CNTN5: variants seen among roughly 807,000 people sequenced by gnomAD.
The protein encoded by CNTN5 is contactin 5.
A neutral mutation model predicts 129.1 loss-of-function variants in CNTN5; 77 were observed. The ratio of observed to expected loss-of-function variants is 0.60; its 90% CI spans 0.50 to 0.72. The LOEUF is 0.72. CNTN5 is among the 30% of genes least tolerant of loss of function. The pLI, the probability that CNTN5 is intolerant of heterozygous loss-of-function variation, is 0.00. For synonymous variants in CNTN5, 509 were observed against 465.6 expected (o/e 1.09, Z -1.20); for missense variants, 1,478 against 1,328.8 (o/e 1.11, Z -1.75).
At chr11:99,864,629 A>C (rs368731905) in intron 6 of CNTN5, among the ~76,000 whole-genome samples, 1 of 152,046 alleles carries the variant, frequency 6.6e-6, no homozygotes, top group Non-Finnish European at 1.5e-5. Flanking sequence ...CTCGGCTCTG[A>C]TACCATTTTC....
intron 13 of CNTN5, among the ~76,000 whole-genome samples, chr11:100,149,364 G>C (rs1946968404): frequency 6.6e-6 from 1 of 152,060 alleles, no homozygotes. Context: ...TATTCAAATT[G>C]AATCAATATC....
chr11:100,196,466 C>T (rs1948641028), intron 15 of CNTN5, among the ~76,000 whole-genome samples: 1 of 151,924 alleles, frequency 6.6e-6, no homozygotes, highest in Non-Finnish European at 1.5e-5. Flanking sequence ...CCTTCATATA[C>T]AATCTATATA....
intron 2 of CNTN5, among the ~76,000 whole-genome samples, chr11:99,531,994 GAGA>G (rs1947727205): frequency 6.6e-6 from 1 of 152,100 alleles, no homozygotes; most frequent in Non-Finnish European, 1.5e-5. Flanking sequence ...GTGGAGCTCT[GAGA>G]AGAGGGCCAC....
intron 6 of CNTN5, among the ~76,000 whole-genome samples, chr11:99,898,375 G>A (rs1377579): frequency 0.99 from 149,891 of 152,164 alleles, 73,877 homozygotes; most frequent in East Asian, 1. Context: ...AATGATTAAG[G>A]TGACATCACA....
chr11:100,056,142 T>C (rs1943211710), intron 9 of CNTN5, among the ~76,000 whole-genome samples: 2 of 151,682 alleles, frequency 1.3e-5, no homozygotes, highest in African/African-American at 2.4e-5. Context: ...TTAATCTGAA[T>C]ATTTACTTTT....
intron 2 of CNTN5, among the ~76,000 whole-genome samples, chr11:99,404,460 G>A (rs566509397): frequency 1.2e-4 from 18 of 151,224 alleles, no homozygotes; most frequent in African/African-American, 4.4e-4. Context: ...TTTTAGTGAA[G>A]GTGATTTTCT....
chr11:99,055,975 CT>C (rs1288389246), intron 1 of CNTN5, among the ~76,000 whole-genome samples: 1 of 151,868 alleles, frequency 6.6e-6, no homozygotes, highest in Non-Finnish European at 1.5e-5. Flanking sequence ...CAGGTTTTCC[CT>C]TTTCAGTTTC....
chr11:99,774,840 A>C (rs1170564333), intron 3 of CNTN5, among the ~76,000 whole-genome samples: 2 of 152,092 alleles, frequency 1.3e-5, no homozygotes, highest in African/African-American at 2.4e-5. Context: ...TTTCTACTAC[A>C]TTAAAGCCAT....
At chr11:99,624,228 G>T (rs1951052944) in intron 3 of CNTN5, among the ~76,000 whole-genome samples, 3 of 150,660 alleles carry the variant, frequency 2.0e-5, no homozygotes, top group Non-Finnish European at 4.5e-5. Flanking sequence ...GCATTGCCTA[G>T]ATCAGTACCT....
intron 1 of CNTN5, among the ~76,000 whole-genome samples, chr11:99,047,976 C>A (rs1019161004): frequency 1.3e-5 from 2 of 151,460 alleles, no homozygotes; most frequent in Non-Finnish European, 2.9e-5. Flanking sequence ...AAAGTTAATT[C>A]TTTTTTCATT....
chr11:99,115,481 G>A (rs557133672), intron 1 of CNTN5, among the ~76,000 whole-genome samples: 11 of 152,218 alleles, frequency 7.2e-5, no homozygotes, highest in African/African-American at 1.7e-4. Context: ...AATACTGGCC[G>A]GGTGCGGTGG....
At chr11:99,090,243 A>AT (rs148864109) in intron 1 of CNTN5, among the ~76,000 whole-genome samples, 4,574 of 152,138 alleles carry the variant, frequency 0.03, 82 homozygotes, top group East Asian at 0.067. Context: ...TTTAATGCGA[A>AT]TTTTTTTCTT....
chr11:99,396,351 C>A (rs1347299174), intron 2 of CNTN5, among the ~76,000 whole-genome samples: 4 of 151,546 alleles, frequency 2.6e-5, no homozygotes, highest in African/African-American at 9.7e-5. Context: ...ACTTTTGTTT[C>A]TAAATAAAAT....
At chr11:99,878,996 G>A (rs1238701378) in intron 6 of CNTN5, among the ~76,000 whole-genome samples, 1 of 152,024 alleles carries the variant, frequency 6.6e-6, no homozygotes, top group Non-Finnish European at 1.5e-5. Context: ...ACAGTGGTAC[G>A]ATCTGATCTC....
intron 1 of CNTN5, among the ~76,000 whole-genome samples, chr11:99,253,168 T>C (rs1862201839): frequency 6.6e-6 from 1 of 152,066 alleles, no homozygotes; most frequent in African/African-American, 2.4e-5. Context: ...AGTGGATAAG[T>C]AGTGAATAAG....
intron 3 of CNTN5, among the ~76,000 whole-genome samples, chr11:99,646,093 T>C (rs1951949551): frequency 6.6e-6 from 1 of 152,190 alleles, no homozygotes; most frequent in Non-Finnish European, 1.5e-5. Flanking sequence ...TCTCTCAGCA[T>C]TGATTTTTGA....
rs1664132365 is a variant in CNTN5 at position 100,357,103 on chromosome 11, A to T, written c.*883A>T. 6.6e-6 allele frequency: 1 copy of T among 151,790 alleles called. No individual in the cohort carries two copies. Among genetic ancestry groups the T allele is most frequent in the African/African-American group, 2.4e-5 (1 of 41,406 alleles). The allele number at this position is 151,790 out of a possible 1,614,324, so 9.4% of individuals were successfully genotyped here. A position where few individuals can be genotyped will look rare whatever the true frequency, so the allele number is the denominator to read the frequency against. On this transcript the variant is annotated 3_prime_UTR_variant, in exon 25 of 25. Transcript: ENST00000524871. The stretch of plus-strand genomic sequence containing the variant: ...ATTTCTTTACCTACTGCCAAAACAG[A>T]TGTTGAATTAGGTCCAAGGTTTTCT...
chr11:99,439,979 T>C (rs1943762165), intron 2 of CNTN5, among the ~76,000 whole-genome samples: 1 of 152,062 alleles, frequency 6.6e-6, no homozygotes, highest in South Asian at 2.1e-4. Context: ...ATCATTCGAA[T>C]AAATCAGAAA....
rs150686286 is a variant in CNTN5, at chr11:99,498,525, A to T, written c.-70-57620A>T. ...ATTTTCCTCTCCCTAACTAGCATCAATGTTCCCTTTTTCCCAAACTTTCCT... is the reference window on the plus strand; with the variant it reads ...ATTTTCCTCTCCCTAACTAGCATCATTGTTCCCTTTTTCCCAAACTTTCCT... On this transcript the variant is annotated intron_variant, in intron 2 of 24. Transcript: ENST00000524871. Among the ~76,000 whole-genome samples the T allele has an allele frequency of 1.2e-4, 18 of 152,256 alleles. No homozygotes were observed. The East Asian group carries it at 3.5e-3, about 29-fold the overall frequency.
Sources: gnomAD v4.1 joint callset for allele counts (sites outside exome capture counted in the v4.1 genomes callset) on GRCh38, gnomAD v4.1.1 for gene constraint, MANE v1.5 for transcripts, NCBI Gene and HGNC (gene_info 2026-07-23, HGNC 2026-07-21) for gene names.